ANKS1B: variants seen among roughly 807,000 people sequenced by gnomAD.
ANKS1B encodes the protein ankyrin repeat and sterile alpha motif domain-containing protein 1B.
A neutral mutation model predicts 148.3 loss-of-function variants in ANKS1B; 36 were observed. The observed-to-expected ratio is 0.24, with a 90% CI of 0.19 to 0.32. The LOEUF is 0.32. ANKS1B is among the 10% of genes least tolerant of loss of function. The pLI is 1.00. For missense variants in ANKS1B, 1,157 were observed against 1,542.6 expected, an observed-to-expected ratio of 0.75 and a Z score of 4.19; for synonymous variants, 542 against 560.8, an observed-to-expected ratio of 0.97 and a Z score of 0.47.
chr12:99,032,838 C>T (rs1380099351), intron 17 of ANKS1B, among the ~76,000 whole-genome samples: 1 of 152,082 alleles, frequency 6.6e-6, no homozygotes. Context: ...TCAGGAAACA[C>T]GTGTTTTATT....
intron 17 of ANKS1B, among the ~76,000 whole-genome samples, chr12:98,920,995 T>C (rs557117799): frequency 3.3e-5 from 5 of 152,220 alleles, no homozygotes; most frequent in Non-Finnish European, 7.3e-5. Flanking sequence ...TATAATTTAT[T>C]TGGCTAGATT....
intron 15 of ANKS1B, among the ~76,000 whole-genome samples, chr12:99,148,555 C>A (rs897078060): frequency 6.6e-6 from 1 of 151,994 alleles, no homozygotes; most frequent in Admixed American, 6.6e-5. Context: ...GCTCTGCCAG[C>A]GCCAATATTG....
At chr12:99,078,416 G>A (rs2048536293) in intron 16 of ANKS1B, among the ~76,000 whole-genome samples, 1 of 152,144 alleles carries the variant, frequency 6.6e-6, no homozygotes, top group Admixed American at 6.5e-5. Context: ...TTAGATCAGT[G>A]ATGTTCAGGT....
intron 17 of ANKS1B, among the ~76,000 whole-genome samples, chr12:99,035,102 TCTC>T (rs1412328263): frequency 5.9e-5 from 9 of 152,106 alleles, no homozygotes; most frequent in Non-Finnish European, 1.5e-5. Flanking sequence ...TCTCTGACCT[TCTC>T]CTGCCCTCCT....
intron 8 of ANKS1B, among the ~76,000 whole-genome samples, chr12:99,738,725 C>T (rs1302952098): frequency 2.0e-5 from 3 of 152,250 alleles, no homozygotes; most frequent in Admixed American, 2.0e-4. Flanking sequence ...GCCAACAGAA[C>T]TTTATTGAAG....
At chr12:99,392,132 G>T (rs963043693) in intron 12 of ANKS1B, among the ~76,000 whole-genome samples, 1 of 152,192 alleles carries the variant, frequency 6.6e-6, no homozygotes, top group Non-Finnish European at 1.5e-5. Context: ...GAGTTGAGAG[G>T]TCATCTCAGC....
At chr12:99,048,621 G>A (rs2099963963) in intron 17 of ANKS1B, 1 of 152,598 alleles carries the variant, frequency 6.6e-6, no homozygotes, top group Admixed American at 6.5e-5. Flanking sequence ...TAATAAGTGT[G>A]GACATGCAAA....
intron 14 of ANKS1B, among the ~76,000 whole-genome samples, chr12:99,224,335 A>G (rs1023324487): frequency 2.0e-5 from 3 of 152,056 alleles, no homozygotes; most frequent in Admixed American, 6.6e-5. Context: ...CCAAAATCTC[A>G]TGACAAATTG....
chr12:99,467,546 T>A (rs1055743842), intron 10 of ANKS1B, among the ~76,000 whole-genome samples: 2 of 152,174 alleles, frequency 1.3e-5, no homozygotes, highest in African/African-American at 4.8e-5. Context: ...AACCCCACTG[T>A]CTCAGCCCAA....
chr12:99,357,068 G>C (rs2092058015), intron 12 of ANKS1B, among the ~76,000 whole-genome samples: 1 of 151,708 alleles, frequency 6.6e-6, no homozygotes, highest in African/African-American at 2.4e-5. Flanking sequence ...AGAATCTAGT[G>C]AAGGAATCAA....
intron 10 of ANKS1B, among the ~76,000 whole-genome samples, chr12:99,487,615 TG>T (rs35369607): frequency 0.025 from 3,672 of 149,738 alleles, 152 homozygotes; most frequent in African/African-American, 0.083. Flanking sequence ...ACATTCAATA[TG>T]GGGGGGGGAC....
chr12:99,057,179 T>C (rs1372957943), intron 16 of ANKS1B, among the ~76,000 whole-genome samples: 1 of 152,226 alleles, frequency 6.6e-6, no homozygotes, highest in East Asian at 1.9e-4. Context: ...GGGTGATCTT[T>C]GGCAAGTTAC....
intron 2 of ANKS1B, among the ~76,000 whole-genome samples, chr12:99,819,393 A>T (rs1221977094): frequency 6.6e-6 from 1 of 151,870 alleles, no homozygotes; most frequent in Non-Finnish European, 1.5e-5. Flanking sequence ...ACCAGATTAT[A>T]CAATTTTTAG....
chr12:99,582,790 T>C (rs2097583379), intron 9 of ANKS1B, among the ~76,000 whole-genome samples: 1 of 152,130 alleles, frequency 6.6e-6, no homozygotes, highest in Non-Finnish European at 1.5e-5. Context: ...CCTCATCAAA[T>C]TGTATAACTA....
intron 4 of ANKS1B, among the ~76,000 whole-genome samples, chr12:99,794,773 C>G (rs1025601739): frequency 6.6e-6 from 1 of 151,596 alleles, no homozygotes; most frequent in Non-Finnish European, 1.5e-5. Flanking sequence ...ATGAATAAGA[C>G]CTAGTATTTG....
At position 99,798,440 on chromosome 12, in the gene ANKS1B, A is replaced by C. The variant is rs545914254; in HGVS notation, c.669+7964T>G. Among the ~76,000 whole-genome samples, 1,061 of 143,372 alleles carry C rather than the reference A, an allele frequency of 7.4e-3. 11 individuals are homozygous for C. The highest frequency in any genetic ancestry group is 0.027 in the African/African-American group (1,014 of 37,058). 94.1% of individuals were successfully genotyped at this position (143,372 alleles called of 152,430 possible). ...CTTGGAATTAAAAAAAAAAAAAAAA[A>C]AAACAAAAGATAACAACTCAACTTA... On this transcript the variant is annotated intron_variant, in intron 4 of 26. Coordinates refer to ENST00000683438, the MANE Select transcript of ANKS1B (RefSeq NM_001352186.2).
chr12:99,954,624 C>T (rs1389662198), intron 1 of ANKS1B, among the ~76,000 whole-genome samples: 1 of 149,564 alleles, frequency 6.7e-6, no homozygotes, highest in Non-Finnish European at 1.5e-5. Flanking sequence ...TGCCTTCACC[C>T]TTTCCTTAGC....
chr12:98,912,055 A>G (rs192686574), intron 17 of ANKS1B, among the ~76,000 whole-genome samples: 189 of 152,326 alleles, frequency 1.2e-3, no homozygotes, highest in Admixed American at 2.0e-3. Context: ...CAGCAAACAC[A>G]TAGGATTTGC....
intron 9 of ANKS1B, among the ~76,000 whole-genome samples, chr12:99,599,068 A>G (rs1282804783): frequency 6.6e-6 from 1 of 152,016 alleles, no homozygotes; most frequent in Non-Finnish European, 1.5e-5. Flanking sequence ...CCATGTCTGT[A>G]AAGATCTCCC....
Sources: gnomAD v4.1 joint callset for allele counts (sites outside exome capture counted in the v4.1 genomes callset) on GRCh38, gnomAD v4.1.1 for gene constraint, MANE v1.5 for transcripts, NCBI Gene and HGNC (gene_info 2026-07-23, HGNC 2026-07-21) for gene names.